ARHGAP15: variants seen among roughly 807,000 people sequenced by gnomAD.
ARHGAP15 encodes the protein rho GTPase-activating protein 15.
Under a neutral mutation model 63.7 loss-of-function variants are expected in ARHGAP15, and 51 were observed. That is an observed-to-expected ratio of 0.80 (90% confidence interval 0.64 to 1.01). ARHGAP15 has a LOEUF of 1.01. ARHGAP15 is among the 50% of genes least tolerant of loss of function. The pLI, the probability that ARHGAP15 is intolerant of heterozygous loss-of-function variation, is 0.00. For synonymous variants in ARHGAP15, 191 were observed against 193.8 expected (o/e 0.99, Z 0.12); for missense variants, 560 against 564.6 (o/e 0.99, Z 0.08).
intron 6 of ARHGAP15, among the ~76,000 whole-genome samples, chr2:143,304,923 C>T (rs1391810025): frequency 6.6e-6 from 1 of 151,936 alleles, no homozygotes; most frequent in Admixed American, 6.6e-5. Context: ...TGTGGCAATT[C>T]CTCAAGGATT....
chr2:143,229,175 A>C (rs1306444420), intron 5 of ARHGAP15, among the ~76,000 whole-genome samples: 1 of 152,214 alleles, frequency 6.6e-6, no homozygotes, highest in East Asian at 1.9e-4. Context: ...AGTGCTTCAG[A>C]CATTAATAAA....
chr2:143,652,660 A>C (rs1681229466), intron 12 of ARHGAP15, among the ~76,000 whole-genome samples: 1 of 152,022 alleles, frequency 6.6e-6, no homozygotes, highest in African/African-American at 2.4e-5. Context: ...TTTATCCCCG[A>C]GTATTTCATA....
chr2:143,603,737 G>C (rs960592735), intron 11 of ARHGAP15, among the ~76,000 whole-genome samples: 7 of 152,074 alleles, frequency 4.6e-5, no homozygotes, highest in Non-Finnish European at 1.0e-4. Flanking sequence ...CTCTTACAAG[G>C]TACTGTTCAA....
At chr2:143,483,838 A>T (rs1301962595) in intron 8 of ARHGAP15, among the ~76,000 whole-genome samples, 1 of 152,318 alleles carries the variant, frequency 6.6e-6, no homozygotes, top group South Asian at 2.1e-4. Context: ...AGGGCACTTG[A>T]TATTTCTCCA....
At chr2:143,240,201 A>C (rs1693815422) in intron 5 of ARHGAP15, among the ~76,000 whole-genome samples, 1 of 151,570 alleles carries the variant, frequency 6.6e-6, no homozygotes, top group Non-Finnish European at 1.5e-5. Flanking sequence ...AAATAAAATA[A>C]AATAAAATAA....
chr2:143,684,488 A>C (rs1023161423), intron 12 of ARHGAP15, among the ~76,000 whole-genome samples: 1 of 151,904 alleles, frequency 6.6e-6, no homozygotes, highest in African/African-American at 2.4e-5. Context: ...AAAAAAAAAA[A>C]TCTTGACAGC....
chr2:143,593,778 G>T (rs1029104767), intron 11 of ARHGAP15, among the ~76,000 whole-genome samples: 1 of 152,016 alleles, frequency 6.6e-6, no homozygotes, highest in African/African-American at 2.4e-5. Context: ...AATACCCCTA[G>T]AATATATAAA....
intron 13 of ARHGAP15, among the ~76,000 whole-genome samples, chr2:143,753,974 C>T (rs994672465): frequency 2.0e-5 from 3 of 152,178 alleles, no homozygotes; most frequent in African/African-American, 7.2e-5. Context: ...TAGTCTCCTC[C>T]ACAGATCTAA....
intron 3 of ARHGAP15, among the ~76,000 whole-genome samples, chr2:143,204,960 CA>C (rs1036727108): frequency 1.3e-5 from 2 of 151,370 alleles, no homozygotes; most frequent in African/African-American, 4.9e-5. Flanking sequence ...GAAACAAAAA[CA>C]AACAAACAAA....
chr2:143,336,993 G>A (rs1684801071), intron 6 of ARHGAP15, among the ~76,000 whole-genome samples: 1 of 152,106 alleles, frequency 6.6e-6, no homozygotes, highest in Non-Finnish European at 1.5e-5. Context: ...GTATGAAGCT[G>A]CCAATGTGCA....
chr2:143,662,914 G>C (rs1352986332), intron 12 of ARHGAP15, among the ~76,000 whole-genome samples: 4 of 144,928 alleles, frequency 2.8e-5, no homozygotes, highest in Admixed American at 6.8e-5. Context: ...ATGGGACTAT[G>C]TGAAAAGACC....
At chr2:143,692,381 C>A (rs1683647815) in intron 12 of ARHGAP15, among the ~76,000 whole-genome samples, 1 of 152,162 alleles carries the variant, frequency 6.6e-6, no homozygotes, top group Non-Finnish European at 1.5e-5. Flanking sequence ...TCAACTACAG[C>A]TAGAAGTCTC....
chr2:143,740,478 G>A (rs1396840041), intron 13 of ARHGAP15, among the ~76,000 whole-genome samples: 2 of 152,184 alleles, frequency 1.3e-5, no homozygotes, highest in Non-Finnish European at 2.9e-5. Context: ...AATTTTCACA[G>A]AGAACTCTAG....
intron 6 of ARHGAP15, among the ~76,000 whole-genome samples, chr2:143,258,191 G>A (rs929553065): frequency 2.6e-5 from 4 of 151,976 alleles, no homozygotes; most frequent in African/African-American, 4.8e-5. Context: ...AATAGATGAC[G>A]CTATTCAGTT....
chr2:143,187,419 T>G (rs1191528854), intron 2 of ARHGAP15, among the ~76,000 whole-genome samples: 1 of 152,140 alleles, frequency 6.6e-6, no homozygotes, highest in Non-Finnish European at 1.5e-5. Context: ...TTTAAAAAGG[T>G]ATTGTTTGGA....
chr2:143,344,197 A>G (rs1023895498), intron 6 of ARHGAP15: 11 of 152,130 alleles, frequency 7.2e-5, no homozygotes, highest in African/African-American at 2.4e-4. Flanking sequence ...TGGTTGTTTG[A>G]AAGTGGTTAG....
At chr2:143,418,808 T>C (rs867944481) in intron 6 of ARHGAP15, among the ~76,000 whole-genome samples, 1 of 152,168 alleles carries the variant, frequency 6.6e-6, no homozygotes, top group African/African-American at 2.4e-5. Context: ...CTGTATCTGA[T>C]GTTTCCACAT....
chr2:143,308,377 C>G (rs190966193), intron 6 of ARHGAP15, among the ~76,000 whole-genome samples: 1 of 152,096 alleles, frequency 6.6e-6, no homozygotes, highest in African/African-American at 2.4e-5. Flanking sequence ...GTCGCACTAG[C>G]TCACTGGATA....
intron 12 of ARHGAP15, among the ~76,000 whole-genome samples, chr2:143,665,956 G>A (rs1206192451): frequency 6.9e-6 from 1 of 145,618 alleles, no homozygotes; most frequent in African/African-American, 2.5e-5. Flanking sequence ...ATGCTCATGG[G>A]TAGGAAGAAT....
Sources: gnomAD v4.1 joint callset for allele counts (sites outside exome capture counted in the v4.1 genomes callset) on GRCh38, gnomAD v4.1.1 for gene constraint, MANE v1.5 for transcripts, NCBI Gene and HGNC (gene_info 2026-07-23, HGNC 2026-07-21) for gene names.